EXOC4: variants seen among roughly 807,000 people sequenced by gnomAD.
EXOC4 encodes the protein exocyst complex component 4, also known as SEC8-like 1.
In EXOC4, 71 loss-of-function variants were observed where a neutral mutation model predicts 107.2. That is an observed-to-expected ratio of 0.66 (90% confidence interval 0.55 to 0.81). EXOC4 has a LOEUF of 0.81. EXOC4 is among the 30% of genes least tolerant of loss of function. EXOC4 has a pLI of 0.00. For missense variants in EXOC4, 1,108 were observed against 1,189.6 expected (o/e 0.93, Z 1.01); for synonymous variants, 456 against 441.2 (o/e 1.03, Z -0.42).
chr7:133,370,253 C>G (rs1259021814), intron 6 of EXOC4, among the ~76,000 whole-genome samples: 1 of 151,034 alleles, frequency 6.6e-6, no homozygotes, highest in Non-Finnish European at 1.5e-5. Context: ...CAGGTCCTTA[C>G]GAAATGTGCC....
intron 3 of EXOC4, among the ~76,000 whole-genome samples, chr7:133,295,370 A>G (rs1251885302): frequency 6.6e-6 from 1 of 152,142 alleles, no homozygotes; most frequent in African/African-American, 2.4e-5. Flanking sequence ...ATTTCAGATT[A>G]TGTGTTATCA....
intron 10 of EXOC4, among the ~76,000 whole-genome samples, chr7:133,637,487 C>T (rs2151021425): frequency 6.6e-6 from 1 of 152,170 alleles, no homozygotes; most frequent in Middle Eastern, 3.4e-3. Flanking sequence ...TGAGCTAAAG[C>T]CTATGTAGAC....
intron 10 of EXOC4, among the ~76,000 whole-genome samples, chr7:133,753,810 T>C (rs1795843324): frequency 2.0e-5 from 3 of 152,170 alleles, no homozygotes; most frequent in Admixed American, 2.0e-4. Context: ...CCTAACGGCC[T>C]GTTTTACAGA....
intron 9 of EXOC4, among the ~76,000 whole-genome samples, chr7:133,567,662 C>A (rs987957198): frequency 4.6e-5 from 7 of 152,108 alleles, no homozygotes; most frequent in African/African-American, 1.7e-4. Context: ...TTATAAAGAA[C>A]AAAAGCATAT....
intron 10 of EXOC4, among the ~76,000 whole-genome samples, chr7:133,722,108 CA>C (rs1321884809): frequency 1.3e-5 from 2 of 152,212 alleles, no homozygotes; most frequent in East Asian, 3.8e-4. Flanking sequence ...GGCACGCAAA[CA>C]GGAGGTCAGA....
At chr7:134,019,390 G>C (rs1238112903) in intron 17 of EXOC4, among the ~76,000 whole-genome samples, 2 of 149,294 alleles carry the variant, frequency 1.3e-5, no homozygotes, top group Non-Finnish European at 3.0e-5. Context: ...CCATCCTAGA[G>C]GCCTATATTG....
At chr7:133,808,457 A>C (rs1046430166) in intron 10 of EXOC4, among the ~76,000 whole-genome samples, 1 of 152,190 alleles carries the variant, frequency 6.6e-6, no homozygotes, top group African/African-American at 2.4e-5. Flanking sequence ...AGTGAGTTGA[A>C]TATATCTCAA....
chr7:133,533,518 A>G (rs538793261), intron 9 of EXOC4, among the ~76,000 whole-genome samples: 19 of 152,280 alleles, frequency 1.2e-4, no homozygotes, highest in African/African-American at 4.3e-4. Context: ...AGAGCTTAAC[A>G]GAGGCAGAAT....
At chr7:133,332,161 A>T (rs761560394) in intron 5 of EXOC4, among the ~76,000 whole-genome samples, 18 of 152,064 alleles carry the variant, frequency 1.2e-4, no homozygotes, top group Non-Finnish European at 1.8e-4. Flanking sequence ...TTCTGCTGGG[A>T]TTTCGTGAAT....
At chr7:133,619,887 G>C (rs1185222574) in intron 9 of EXOC4, among the ~76,000 whole-genome samples, 1 of 152,106 alleles carries the variant, frequency 6.6e-6, no homozygotes, top group Admixed American at 6.5e-5. Flanking sequence ...ACATACACAA[G>C]ACCACCCCTA....
intron 7 of EXOC4, among the ~76,000 whole-genome samples, chr7:133,411,951 T>C (rs900782606): frequency 6.6e-6 from 1 of 152,166 alleles, no homozygotes; most frequent in African/African-American, 2.4e-5. Flanking sequence ...TTCTTCTGCC[T>C]TTTAAAAGTC....
chr7:133,688,639 TTGTC>T (rs1329653282), intron 10 of EXOC4, among the ~76,000 whole-genome samples: 2 of 152,320 alleles, frequency 1.3e-5, no homozygotes, highest in South Asian at 4.1e-4. Context: ...AAAATGTAGT[TTGTC>T]TGCCTTAGAA....
intron 14 of EXOC4, among the ~76,000 whole-genome samples, chr7:133,989,189 C>T (rs1028209715): frequency 2.0e-5 from 3 of 152,088 alleles, no homozygotes; most frequent in Non-Finnish European, 4.4e-5. Flanking sequence ...ATTACACTCA[C>T]GTTTGCAGCT....
At chr7:133,634,003 C>T (rs1352074991) in intron 10 of EXOC4, among the ~76,000 whole-genome samples, 1 of 152,194 alleles carries the variant, frequency 6.6e-6, no homozygotes, top group Non-Finnish European at 1.5e-5. Flanking sequence ...TTTCATTCAG[C>T]TAGCAGTGCG....
Position 133,857,325 on chromosome 7 carries a change from G to A in EXOC4, c.1735-38274G>A, listed in dbSNP as rs962179886. ...CGTATATATATATATATATATACAC[G>A]TATATATATATATATATATATATAT... On this transcript the variant is annotated intron_variant, in intron 11 of 17. Transcript: ENST00000253861. Among the ~76,000 whole-genome samples, 13 of 2,596 alleles carry A rather than the reference G, an allele frequency of 5.0e-3. 1 individual carries two copies. The highest frequency in any genetic ancestry group is 0.016 in the East Asian group (1 of 64). The allele number at this position is 2,596 out of a possible 152,430, so 1.7% of individuals were successfully genotyped here.
chr7:134,011,813 G>T (rs957038393), intron 17 of EXOC4, among the ~76,000 whole-genome samples: 7 of 151,904 alleles, frequency 4.6e-5, no homozygotes, highest in African/African-American at 7.3e-5. Context: ...GTAGGCATGG[G>T]GAGGGGACCA....
intron 17 of EXOC4, among the ~76,000 whole-genome samples, chr7:134,041,490 C>A (rs900098913): frequency 1.3e-5 from 2 of 152,094 alleles, no homozygotes; most frequent in Admixed American, 1.3e-4. Context: ...CACTCAAAAT[C>A]AATTTGAATA....
chr7:133,567,390 G>A (rs1184882903), intron 9 of EXOC4, among the ~76,000 whole-genome samples: 8 of 151,260 alleles, frequency 5.3e-5, no homozygotes, highest in East Asian at 1.9e-4. Flanking sequence ...AGAGTATTAC[G>A]TTGTATTGTT....
At chr7:133,435,638 T>C (rs540889373) in intron 7 of EXOC4, among the ~76,000 whole-genome samples, 1 of 152,330 alleles carries the variant, frequency 6.6e-6, no homozygotes, top group South Asian at 2.1e-4. Context: ...CCAGGTAAAT[T>C]AGGTATTCTT....
Sources: allele counts gnomAD v4.1 joint callset (sites outside exome capture counted in the v4.1 genomes callset), GRCh38; gene constraint gnomAD v4.1.1; transcripts MANE v1.5; gene names NCBI Gene and HGNC (gene_info 2026-07-23, HGNC 2026-07-21).